The following PITPNM2 variants were observed in gnomAD, a reference collection of about 807,000 sequenced individuals.
The protein encoded by PITPNM2 is phosphatidylinositol transfer protein membrane associated 2.
PITPNM2 carries 35 observed loss-of-function variants against 132.2 expected under a neutral mutation model. That is an observed-to-expected ratio of 0.26 (90% CI 0.20 to 0.35). PITPNM2 has a LOEUF of 0.35. Ranked by LOEUF, PITPNM2 falls within the 10% of genes least tolerant of loss-of-function variation. The pLI, the probability that PITPNM2 is intolerant of heterozygous loss-of-function variation, is 1.00. For missense variants in PITPNM2, 1,332 were observed against 1,912.0 expected, an observed-to-expected ratio of 0.70 and a Z score of 5.66; for synonymous variants, 738 against 799.2, an observed-to-expected ratio of 0.92 and a Z score of 1.29.
chr12:123,038,838 A>G (rs1298065218), intron 2 of PITPNM2, among the ~76,000 whole-genome samples: 3 of 152,150 alleles, frequency 2.0e-5, no homozygotes, highest in Non-Finnish European at 4.4e-5. Context: ...GGTGGCTCAC[A>G]CCTATAATCC....
chr12:123,051,648 C>T (rs972703880), intron 2 of PITPNM2, among the ~76,000 whole-genome samples: 1 of 152,152 alleles, frequency 6.6e-6, no homozygotes, highest in Admixed American at 6.5e-5. Context: ...GTAAATTGTT[C>T]GTGCTGGCTC....
intron 3 of PITPNM2, among the ~76,000 whole-genome samples, chr12:123,030,692 CAAAA>C (rs36106584): frequency 9.5e-6 from 1 of 104,786 alleles, no homozygotes; most frequent in Non-Finnish European, 2.0e-5. Context: ...GACTCCATCT[CAAAA>C]AAAAAAAAAA....
chr12:123,005,609 G>A lies in PITPNM2; in HGVS notation c.644-61C>T, dbSNP rs145200180. 5.3e-4 allele frequency: 811 copies of A among 1,527,334 alleles called. 15 individuals are homozygous for A. In the East Asian group the frequency reaches 0.018, roughly 34 times the overall value. The allele number at this position is 1,527,334 out of a possible 1,614,324, so 94.6% of individuals were successfully genotyped here. On this transcript the variant is annotated intron_variant, in intron 6 of 25. Transcript: ENST00000320201. This position sits in a 1 kb window ranked among gnomAD's most constrained non-coding sequence, Gnocchi z 6.2. ...GGGAGGGAGGTCAGCGCAGGAGCCT[G>A]CACGGAAGTGTGGGGCCCAGGCAGG...
Position 123,000,808 on chromosome 12 carries a change from G to A in PITPNM2, c.1194C>T (p.Ala398=). The change falls in exon 10 of 26, where the codon GCC becomes GCT. Residue 398 remains alanine, a synonymous_variant. Coordinates refer to ENST00000320201, the MANE Select transcript of PITPNM2 (RefSeq NM_020845.3). The surrounding 1 kb of genome is among the most constrained non-coding windows in gnomAD (Gnocchi z 5.4). The part of the protein sequence containing the change: ...YRQGAPEFRV[A]SSVEQLNIIE... ...TGATGTTCAGCTGCTCCACACTGGA[G>A]GCCACCCTGAACTCAGGGGCACCCT... 1.2e-6 allele frequency: 2 copies of A among 1,614,060 alleles called. No individual in the cohort carries two copies. Among genetic ancestry groups the A allele is most frequent in the East Asian group, 2.2e-5 (1 of 44,890 alleles).
At chr12:123,011,048 C>T (rs2039178987) in intron 5 of PITPNM2, among the ~76,000 whole-genome samples, 1 of 152,216 alleles carries the variant, frequency 6.6e-6, no homozygotes, top group African/African-American at 2.4e-5. Context: ...GGCTTCCCCT[C>T]CACAGCAGCA....
intron 1 of PITPNM2, among the ~76,000 whole-genome samples, chr12:123,122,035 C>A (rs2043043701): frequency 6.6e-6 from 1 of 152,142 alleles, no homozygotes; most frequent in African/African-American, 2.4e-5. Flanking sequence ...AACACGTCAA[C>A]CATTTTTAAG....
chr12:123,004,674 T>C lies in PITPNM2; in HGVS notation c.953-185A>G. 1.6e-6 allele frequency: 1 copy of C among 625,896 alleles called. No homozygotes were observed. The highest frequency in any genetic ancestry group is 2.9e-6 in the Non-Finnish European group (1 of 346,506). The allele number at this position is 625,896 out of a possible 1,614,324, so 38.8% of individuals were successfully genotyped here. Reference sequence around the variant, plus strand: ...ATGAGTGGGGAGCGGCCTAGGCTCATCTCCTGTCCGCCTGGCACAAGGCAG... The same window carrying C: ...ATGAGTGGGGAGCGGCCTAGGCTCACCTCCTGTCCGCCTGGCACAAGGCAG... On this transcript the variant is annotated intron_variant, in intron 7 of 25. Transcript: ENST00000320201. The surrounding 1 kb of genome is among the most constrained non-coding windows in gnomAD (Gnocchi z 4.9).
intron 2 of PITPNM2, among the ~76,000 whole-genome samples, chr12:123,042,327 AGGACGAGGCGACGT>A (rs2040512261): frequency 6.6e-6 from 1 of 152,218 alleles, no homozygotes; most frequent in Non-Finnish European, 1.5e-5. Flanking sequence ...GGTTTGGCCC[AGGACGAGGCGACGT>A]GGACAGCTCC....
chr12:122,987,975 G>T, intron 20 of PITPNM2, 74 bp from the exon 21 acceptor site: 1 of 1,339,866 alleles, frequency 7.5e-7, no homozygotes, highest in Non-Finnish European at 1.0e-6. Context: ...CTCAAGCTCT[G>T]TGGGCCTGAG....
chr12:123,068,307 A>AT (rs977906013), intron 2 of PITPNM2, among the ~76,000 whole-genome samples: 16 of 152,100 alleles, frequency 1.1e-4, no homozygotes, highest in Non-Finnish European at 2.2e-4. Flanking sequence ...CTCTACTAAA[A>AT]ATACAAAAAA....
At chr12:122,991,039 C>G (rs1297579199) in intron 16 of PITPNM2, among the ~76,000 whole-genome samples, 1 of 152,210 alleles carries the variant, frequency 6.6e-6, no homozygotes, top group African/African-American at 2.4e-5. Context: ...CTCCAGAGCT[C>G]ACCCTGGCCT....
intron 2 of PITPNM2, among the ~76,000 whole-genome samples, chr12:123,055,793 C>A (rs1295910438): frequency 2.6e-5 from 4 of 152,008 alleles, no homozygotes; most frequent in Non-Finnish European, 5.9e-5. Flanking sequence ...ACATCTTGCT[C>A]CCTTCCCCAG....
At chr12:123,052,546 G>A (rs2040895500) in intron 2 of PITPNM2, among the ~76,000 whole-genome samples, 1 of 152,126 alleles carries the variant, frequency 6.6e-6, no homozygotes, top group African/African-American at 2.4e-5. Flanking sequence ...TTTGAACCCA[G>A]GATATCAAGG....
chr12:122,994,822 T>C lies in PITPNM2; in HGVS notation c.2212A>G (p.Thr738Ala). The C allele has an allele frequency of 6.2e-7, 1 of 1,610,480 alleles. No homozygotes were observed. Among genetic ancestry groups the C allele is most frequent in the Non-Finnish European group, 8.5e-7 (1 of 1,179,716 alleles). The change falls in exon 15 of 26, where the codon ACT becomes GCT. Residue 738 changes from threonine (T) to alanine (A), a missense_variant. Coordinates refer to ENST00000320201, the MANE Select transcript of PITPNM2 (RefSeq NM_020845.3). This position sits in a 1 kb window ranked among gnomAD's most constrained non-coding sequence, Gnocchi z 5.4. The part of the protein sequence containing the change: ...PLGLVLALRK[T>A]VIPALDVFQL... ...TCACCATCCAGGGCTGGGATGACAG[T>C]CTTCCTCAAGGCCAGGACCAGCCCC...
intron 2 of PITPNM2, among the ~76,000 whole-genome samples, chr12:123,107,512 AG>A (rs1322110266): frequency 6.6e-6 from 1 of 152,216 alleles, no homozygotes; most frequent in Non-Finnish European, 1.5e-5. Flanking sequence ...CTCCACAGCA[AG>A]GAGCTTTTCT....
At chr12:122,988,393 C>T (rs146659252) in intron 19 of PITPNM2, 43 bp from the exon 20 acceptor site, 189 of 1,549,416 alleles carry the variant, frequency 1.2e-4, no homozygotes, top group Non-Finnish European at 1.6e-4. Context: ...AGATGCCACC[C>T]GGGGGCTTCC....
chr12:123,032,273 CTG>C (rs1291171678), intron 3 of PITPNM2, among the ~76,000 whole-genome samples: 1 of 152,152 alleles, frequency 6.6e-6, no homozygotes. Context: ...GGTCAGGAGA[CTG>C]AGACTGTCCT....
intron 2 of PITPNM2, among the ~76,000 whole-genome samples, chr12:123,056,878 A>C (rs2041047125): frequency 6.6e-6 from 1 of 152,160 alleles, no homozygotes; most frequent in Admixed American, 6.5e-5. Flanking sequence ...AGGAGGTGGC[A>C]GTTCACTGAG....
intron 1 of PITPNM2, among the ~76,000 whole-genome samples, chr12:123,118,873 T>G (rs569295630): frequency 3.9e-4 from 60 of 152,350 alleles, no homozygotes; most frequent in African/African-American, 1.4e-3. Context: ...ATCTGGCTAC[T>G]GGACATGGTA....
Sources: gnomAD v4.1 joint callset for allele counts (sites outside exome capture counted in the v4.1 genomes callset) on GRCh38, gnomAD v4.1.1 for gene constraint, Gnocchi (gnomAD v3.1) non-coding constraint, MANE v1.5 for transcripts, NCBI Gene and HGNC (gene_info 2026-07-23, HGNC 2026-07-21) for gene names.